Variants in FOXP2 observed in about 807,000 individuals in gnomAD.
FOXP2 encodes forkhead box protein P2.
Under a neutral mutation model 115.8 loss-of-function variants are expected in FOXP2, and 12 were observed. The observed-to-expected ratio is 0.10, with a 90% CI of 0.07 to 0.17. The LOEUF is 0.17. FOXP2 is among the 10% of genes least tolerant of loss of function. The pLI is 1.00. For synonymous variants in FOXP2, 328 were observed against 297.7 expected (o/e 1.10, Z -1.05); for missense variants, 629 against 843.5 (o/e 0.75, Z 3.15).
chr7:114,440,391 G>A (rs556445367), intron 2 of FOXP2, among the ~76,000 whole-genome samples: 1 of 152,212 alleles, frequency 6.6e-6, no homozygotes, highest in East Asian at 1.9e-4. Flanking sequence ...TAATGTATGA[G>A]TGAAAACTTC....
At chr7:114,552,879 T>A (rs78193760) in intron 3 of FOXP2, among the ~76,000 whole-genome samples, 3 of 152,192 alleles carry the variant, frequency 2.0e-5, no homozygotes, top group Non-Finnish European at 4.4e-5. Context: ...TCACTATAAC[T>A]TAGCTTTATC....
At chr7:114,139,706 C>G (rs1792150731) in intron 1 of FOXP2, among the ~76,000 whole-genome samples, 1 of 152,038 alleles carries the variant, frequency 6.6e-6, no homozygotes, top group South Asian at 2.1e-4. Flanking sequence ...AAAAGTATTC[C>G]TCTTTTTGTT....
chr7:114,673,867 T>A (rs1398755946), intron 16 of FOXP2, among the ~76,000 whole-genome samples: 1 of 152,110 alleles, frequency 6.6e-6, no homozygotes, highest in East Asian at 1.9e-4. Context: ...ACCCGACTAA[T>A]TTTTTTATAT....
chr7:114,273,435 C>T (rs769694042), intron 1 of FOXP2, among the ~76,000 whole-genome samples: 3 of 151,912 alleles, frequency 2.0e-5, no homozygotes, highest in Non-Finnish European at 4.4e-5. Flanking sequence ...TTGGCCGTCT[C>T]ATGTAGTCTA....
upstream of FOXP2, among the ~76,000 whole-genome samples, chr7:114,087,388 G>A (rs892257140): frequency 6.6e-6 from 1 of 152,152 alleles, no homozygotes; most frequent in Non-Finnish European, 1.5e-5. Context: ...GTCTGGCCTG[G>A]TTTTACTTTT....
chr7:114,584,756 C>T (rs1332218789), intron 3 of FOXP2, among the ~76,000 whole-genome samples: 1 of 152,148 alleles, frequency 6.6e-6, no homozygotes, highest in African/African-American at 2.4e-5. Flanking sequence ...TTTGTGGAGT[C>T]CCTATCATGT....
At chr7:114,549,788 T>A (rs983650144) in intron 3 of FOXP2, among the ~76,000 whole-genome samples, 4 of 151,122 alleles carry the variant, frequency 2.6e-5, no homozygotes, top group Non-Finnish European at 4.4e-5. Context: ...TCTTTCAAAT[T>A]AAAAAAAAAT....
At chr7:114,647,565 A>T (rs1328958559) in intron 8 of FOXP2, among the ~76,000 whole-genome samples, 1 of 151,946 alleles carries the variant, frequency 6.6e-6, no homozygotes, top group African/African-American at 2.4e-5. Context: ...TCCAGGATAA[A>T]AAAGTGTTGA....
At chr7:114,481,614 A>G (rs567560148) in intron 2 of FOXP2, among the ~76,000 whole-genome samples, 1 of 151,446 alleles carries the variant, frequency 6.6e-6, no homozygotes, top group Non-Finnish European at 1.5e-5. Context: ...ACTCTTCTCT[A>G]CTGACTCTCT....
intron 2 of FOXP2, among the ~76,000 whole-genome samples, chr7:114,303,728 A>C (rs1796932577): frequency 6.6e-6 from 1 of 152,114 alleles, no homozygotes; most frequent in Admixed American, 6.6e-5. Flanking sequence ...CTTTTGGGGC[A>C]AGTTAACTCA....
intron 3 of FOXP2, among the ~76,000 whole-genome samples, chr7:114,586,545 A>G (rs1210595272): frequency 6.6e-6 from 1 of 152,094 alleles, no homozygotes; most frequent in Non-Finnish European, 1.5e-5. Context: ...TTTGCATCTT[A>G]TATATAATAA....
chr7:114,262,139 A>G (rs1203326747), intron 1 of FOXP2, among the ~76,000 whole-genome samples: 4 of 152,010 alleles, frequency 2.6e-5, no homozygotes, highest in Non-Finnish European at 5.9e-5. Flanking sequence ...AATATTTACT[A>G]TCATCTGGGT....
chr7:114,282,544 T>C (rs951813652), intron 1 of FOXP2, among the ~76,000 whole-genome samples: 7 of 152,190 alleles, frequency 4.6e-5, no homozygotes, highest in African/African-American at 1.7e-4. Flanking sequence ...AATTTCATTT[T>C]TAAATTCCCA....
chr7:114,469,145 GT>G (rs1795935945), intron 2 of FOXP2, among the ~76,000 whole-genome samples: 1 of 152,048 alleles, frequency 6.6e-6, no homozygotes, highest in Non-Finnish European at 1.5e-5. Context: ...AATCAGAGCT[GT>G]CCCCTTGTCT....
At chr7:114,576,468 G>A (rs1047623292) in intron 3 of FOXP2, among the ~76,000 whole-genome samples, 13 of 151,786 alleles carry the variant, frequency 8.6e-5, no homozygotes, top group African/African-American at 3.1e-4. Context: ...TTTCAATGGA[G>A]GATCGTCTTT....
intron 3 of FOXP2, among the ~76,000 whole-genome samples, chr7:114,562,893 C>G (rs981856318): frequency 1.3e-5 from 2 of 152,002 alleles, no homozygotes; most frequent in Admixed American, 1.3e-4. Flanking sequence ...TCTGTCCTCA[C>G]GCTGCTAGTA....
At chr7:114,519,905 CAT>C (rs778614681) in intron 2 of FOXP2, among the ~76,000 whole-genome samples, 13 of 152,064 alleles carry the variant, frequency 8.5e-5, no homozygotes, top group Middle Eastern at 3.2e-3. Context: ...CATTCTTTCA[CAT>C]GTTTCCTTTC....
chr7:114,283,975 A>C (rs1219785229), intron 1 of FOXP2, among the ~76,000 whole-genome samples: 1 of 152,134 alleles, frequency 6.6e-6, no homozygotes, highest in Non-Finnish European at 1.5e-5. Context: ...AAGAAGAGCA[A>C]AACAAAACAA....
At chr7:114,590,409 A>G (rs1349905234) in intron 3 of FOXP2, among the ~76,000 whole-genome samples, 3 of 152,070 alleles carry the variant, frequency 2.0e-5, no homozygotes, top group African/African-American at 7.2e-5. Context: ...CTTGAGGCTG[A>G]CTCTCCAAAC....
Sources: allele counts gnomAD v4.1 joint callset (sites outside exome capture counted in the v4.1 genomes callset), GRCh38; gene constraint gnomAD v4.1.1; transcripts MANE v1.5; gene names NCBI Gene and HGNC (gene_info 2026-07-23, HGNC 2026-07-21).